Variants in PPP6C observed in about 807,000 individuals in gnomAD.
PPP6C encodes serine/threonine-protein phosphatase 6 catalytic subunit.
PPP6C carries 11 observed loss-of-function variants against 39.8 expected under a neutral mutation model. The ratio of observed to expected loss-of-function variants is 0.28; its 90% confidence interval spans 0.17 to 0.46. The LOEUF (loss-of-function observed/expected upper bound fraction) is 0.46, where lower values mean the gene tolerates loss of function less well. Ranked by LOEUF, PPP6C falls within the 20% of genes least tolerant of loss-of-function variation. The probability of loss-of-function intolerance (pLI) is 1.00; values close to 1 mark genes in which losing one functional copy is unlikely to be tolerated. For missense variants in PPP6C, 211 were observed against 373.9 expected (o/e 0.56, Z 3.59); for synonymous variants, 129 against 130.3 (o/e 0.99, Z 0.07).
chr9:125,157,880 G>A (rs180687114), intron 4 of PPP6C, among the ~76,000 whole-genome samples: 71 of 152,022 alleles, frequency 4.7e-4, no homozygotes, highest in Non-Finnish European at 7.8e-4. Context: ...TAGAAGAGAA[G>A]GGGTTTCACC....
chr9:125,174,650 C>T (rs1829255808), intron 1 of PPP6C, among the ~76,000 whole-genome samples: 1 of 151,938 alleles, frequency 6.6e-6, no homozygotes, highest in South Asian at 2.1e-4. Flanking sequence ...TGGCTCACAC[C>T]TATAATTCCA....
intron 4 of PPP6C, among the ~76,000 whole-genome samples, chr9:125,154,726 T>C (rs1387304504): frequency 1.3e-5 from 2 of 152,194 alleles, no homozygotes; most frequent in African/African-American, 4.8e-5. Context: ...GGATCCTTAG[T>C]TATAGGAGCA....
At chr9:125,153,426 A>G (rs1420806029) in intron 6 of PPP6C, 107 bp downstream of exon 6, 3 of 1,003,532 alleles carry the variant, frequency 3.0e-6, no homozygotes, top group Non-Finnish European at 4.4e-6. Flanking sequence ...CACAGCCACC[A>G]TATTTTGAGT....
chr9:125,172,734 CACACACACACACACACAA>C (rs1409811057), intron 1 of PPP6C, among the ~76,000 whole-genome samples: 5 of 144,222 alleles, frequency 3.5e-5, no homozygotes, highest in Non-Finnish European at 5.9e-5. Flanking sequence ...CACACACACA[CACACACACACACACACAA>C]ACACACACAC....
At chr9:125,164,320 G>A (rs981881268) in intron 2 of PPP6C, among the ~76,000 whole-genome samples, 7 of 144,110 alleles carry the variant, frequency 4.9e-5, no homozygotes, top group Non-Finnish European at 7.5e-5. Flanking sequence ...TCTGGCTCCT[G>A]GGTTCAAGCA....
rs1321199247 is a variant in PPP6C, at chr9:125,167,396, A to G, written c.171+3689T>C. Among the ~76,000 whole-genome samples, 15 of 143,526 alleles carry G rather than the reference A, an allele frequency of 1.0e-4. 1 individual carries two copies. The highest frequency in any genetic ancestry group is 3.5e-4 in the African/African-American group (13 of 37,574). 94.2% of individuals were successfully genotyped at this position (143,526 alleles called of 152,430 possible). A position where few individuals can be genotyped will look rare whatever the true frequency, so the allele number is the denominator to read the frequency against. ...ACCCTGTCCAAAAAAAAAAAAAAAAAAAAGAAATAAAAAAAAGGCCGGGCA... is the reference window on the plus strand; with the variant it reads ...ACCCTGTCCAAAAAAAAAAAAAAAAGAAAGAAATAAAAAAAAGGCCGGGCA... On this transcript the variant is annotated intron_variant, in intron 2 of 6. Transcript: ENST00000373547.
intron 4 of PPP6C, among the ~76,000 whole-genome samples, chr9:125,154,602 C>T (rs1347887553): frequency 6.6e-6 from 1 of 152,180 alleles, no homozygotes; most frequent in Non-Finnish European, 1.5e-5. Flanking sequence ...ACTAATTTCA[C>T]ACAACCTGAA....
chr9:125,189,575 T>A, intron 1 of PPP6C, 69 bp downstream of exon 1: 1 of 1,605,126 alleles, frequency 6.2e-7, no homozygotes. Flanking sequence ...GCGGGGGTCC[T>A]GGAGAAAGGA....
intron 2 of PPP6C, among the ~76,000 whole-genome samples, chr9:125,166,947 T>C (rs1708196052): frequency 6.6e-6 from 1 of 152,166 alleles, no homozygotes; most frequent in Admixed American, 6.6e-5. Flanking sequence ...CTGCCCAGGC[T>C]GGAGTGCAGT....
At chr9:125,162,412 C>A (rs1217649811) in intron 2 of PPP6C, among the ~76,000 whole-genome samples, 2 of 134,654 alleles carry the variant, frequency 1.5e-5, no homozygotes, top group Non-Finnish European at 3.1e-5. Context: ...GAGCCAAGAT[C>A]ATGCCACTGC....
At position 125,160,868 on chromosome 9, in the gene PPP6C, C is replaced by G. The variant is rs145445047; in HGVS notation, c.210G>C (p.Gln70His). The change falls in exon 3 of 7, where the codon CAG becomes CAC. Residue 70 changes from glutamine to histidine, a missense_variant. By Grantham distance (24) the Gln-to-His change is conservative. This residue lies in a region of PPP6C where 168 missense variants were observed against 342.6 expected (regional missense o/e 0.49). Transcript: ENST00000373547. ...TAAATATGTAGTTTGTGTCAGGAAC[C>G]TGACCTCCAGTTCTGAACAGTTCAC... is the stretch of plus-strand genomic sequence containing the variant. ...DLCELFRTGGQVPDTNYIFMG... is the reference protein window; with the variant it reads ...DLCELFRTGGHVPDTNYIFMG... 6.3e-7 allele frequency: 1 copy of G among 1,594,228 alleles called. No homozygotes were observed. The highest frequency in any genetic ancestry group is 8.5e-7 in the Non-Finnish European group (1 of 1,172,330).
Position 125,171,198 on chromosome 9 carries a change from A to G in PPP6C, c.76-18T>C. The G allele has an allele frequency of 6.6e-7, 1 of 1,509,296 alleles. No homozygotes were observed. The highest frequency in any genetic ancestry group is 1.4e-5 in the African/African-American group (1 of 71,060). 93.5% of individuals were successfully genotyped at this position (1,509,296 alleles called of 1,614,324 possible). ...CATAGCCGCTATAAAAAGAGAAAAT[A>G]AAAGGTAAACATTTACTACAACATT... On this transcript the variant is annotated intron_variant, in intron 1 of 6. Transcript: ENST00000373547.
At chr9:125,163,066 A>G (rs1173088439) in intron 2 of PPP6C, among the ~76,000 whole-genome samples, 1 of 152,036 alleles carries the variant, frequency 6.6e-6, no homozygotes, top group Non-Finnish European at 1.5e-5. Flanking sequence ...ATGACACAGC[A>G]AGACTCTGTC....
rs1427606578 is a variant in PPP6C at position 125,147,772 on chromosome 9, G to GTTCT, written c.*1900_*1901insAGAA. 1.3e-5 allele frequency: 2 copies of GTTCT among 151,546 alleles called. No individual in the cohort carries two copies. Among genetic ancestry groups the GTTCT allele is most frequent in the African/African-American group, 4.9e-5 (2 of 41,142 alleles). The allele number at this position is 151,546 out of a possible 1,614,324, so 9.4% of individuals were successfully genotyped here. ...CGGTTCTATTAGTACAACTTAAGTG[G>GTTCT]AAAGCAAGCACTTAAATACAATTTA... On this transcript the variant is annotated 3_prime_UTR_variant, in exon 7 of 7. Coordinates refer to ENST00000373547, the MANE Select transcript of PPP6C (RefSeq NM_002721.5).
At position 125,149,647 on chromosome 9, in the gene PPP6C, A is replaced by C; in HGVS notation, c.*26T>G. The C allele has an allele frequency of 6.2e-7, 1 of 1,607,122 alleles. No homozygotes were observed. The highest frequency in any genetic ancestry group is 8.5e-7 in the Non-Finnish European group (1 of 1,175,016). On this transcript the variant is annotated 3_prime_UTR_variant, in exon 7 of 7. Transcript: ENST00000373547. ...ATTGGGGTAAGAAGAGGGCAGAAAA[A>C]TGGGTCAGCAGGATGGGCGAAGGCC...
intron 1 of PPP6C, among the ~76,000 whole-genome samples, chr9:125,182,035 G>A (rs1829431802): frequency 6.6e-6 from 1 of 152,150 alleles, no homozygotes; most frequent in Non-Finnish European, 1.5e-5. Context: ...GTTTTGATTT[G>A]CATTTCTTTA....
intron 1 of PPP6C, among the ~76,000 whole-genome samples, chr9:125,171,476 CACAT>C (rs1278227710): frequency 0.12 from 6,968 of 55,894 alleles, 151 homozygotes; most frequent in Non-Finnish European, 0.15. Context: ...CACACACACA[CACAT>C]ATATATATAT....
At chr9:125,167,549 A>G (rs1829049312) in intron 2 of PPP6C, among the ~76,000 whole-genome samples, 2 of 151,008 alleles carry the variant, frequency 1.3e-5, no homozygotes. Flanking sequence ...TAAAAATACA[A>G]AAAGTTAGTC....
At chr9:125,166,851 A>C (rs1247420062) in intron 2 of PPP6C, among the ~76,000 whole-genome samples, 1 of 151,926 alleles carries the variant, frequency 6.6e-6, no homozygotes, top group Non-Finnish European at 1.5e-5. Flanking sequence ...ATCTTTCTTC[A>C]GCATGCAGTA....
Sources: gnomAD v4.1 joint callset for allele counts (sites outside exome capture counted in the v4.1 genomes callset) on GRCh38, gnomAD v4.1.1 for gene constraint, gnomAD v4.1.1 regional missense constraint, MANE v1.5 for transcripts, NCBI Gene and HGNC (gene_info 2026-07-23, HGNC 2026-07-21) for gene names.